LRRTM4: variants seen among roughly 807,000 people sequenced by gnomAD.
LRRTM4 encodes leucine rich repeat transmembrane neuronal 4.
A neutral mutation model predicts 47.6 loss-of-function variants in LRRTM4; 25 were observed. That is an observed-to-expected ratio of 0.53 (90% CI 0.38 to 0.73). The LOEUF (loss-of-function observed/expected upper bound fraction) is 0.73. Ranked by LOEUF, LRRTM4 falls within the 30% of genes least tolerant of loss-of-function variation. The probability of loss-of-function intolerance (pLI) is 0.00; values close to 1 mark genes in which losing one functional copy is unlikely to be tolerated. For synonymous variants in LRRTM4, 311 were observed against 269.5 expected (o/e 1.15, Z -1.51); for missense variants, 638 against 713.4 (o/e 0.89, Z 1.20).
chr2:77,029,658 G>T (rs1341279353), intron 3 of LRRTM4, among the ~76,000 whole-genome samples: 1 of 152,168 alleles, frequency 6.6e-6, no homozygotes, highest in East Asian at 1.9e-4. Context: ...AACTCTAAAA[G>T]AGATGATTTG....
chr2:77,213,990 T>C (rs1332630248), intron 3 of LRRTM4, among the ~76,000 whole-genome samples: 1 of 152,066 alleles, frequency 6.6e-6, no homozygotes. Context: ...CACTGTATCC[T>C]GAGCCCTAGA....
At chr2:77,059,686 C>G (rs1340510954) in intron 3 of LRRTM4, among the ~76,000 whole-genome samples, 1 of 152,150 alleles carries the variant, frequency 6.6e-6, no homozygotes, top group Non-Finnish European at 1.5e-5. Flanking sequence ...CATACAATGA[C>G]AGTACAATAG....
intron 3 of LRRTM4, among the ~76,000 whole-genome samples, chr2:77,054,528 T>A (rs756298784): frequency 2.6e-5 from 4 of 152,330 alleles, no homozygotes; most frequent in Non-Finnish European, 4.4e-5. Context: ...ACGGAAATAC[T>A]GTGCAGGGTA....
chr2:77,078,070 T>A (rs1388720238), intron 3 of LRRTM4, among the ~76,000 whole-genome samples: 3 of 152,326 alleles, frequency 2.0e-5, no homozygotes, highest in East Asian at 1.9e-4. Flanking sequence ...GTTGATCTAC[T>A]CTTTCTACTG....
chr2:77,030,297 G>T (rs960232039), intron 3 of LRRTM4, among the ~76,000 whole-genome samples: 1 of 152,142 alleles, frequency 6.6e-6, no homozygotes, highest in Admixed American at 6.5e-5. Flanking sequence ...AGCTGGGTGT[G>T]GTGGTATGTG....
chr2:77,082,169 T>TGTCC (rs1172428399), intron 3 of LRRTM4, among the ~76,000 whole-genome samples: 1 of 152,166 alleles, frequency 6.6e-6, no homozygotes, highest in Admixed American at 6.5e-5. Context: ...TCCTAATTTC[T>TGTCC]TAATATCTTT....
intron 3 of LRRTM4, among the ~76,000 whole-genome samples, chr2:76,944,624 G>T (rs1675262496): frequency 6.6e-6 from 1 of 152,036 alleles, no homozygotes; most frequent in African/African-American, 2.4e-5. Context: ...AAATTACTGG[G>T]GAGGGGCAGA....
chr2:77,341,784 T>A (rs2104276965), intron 3 of LRRTM4, among the ~76,000 whole-genome samples: 1 of 151,934 alleles, frequency 6.6e-6, no homozygotes, highest in South Asian at 2.1e-4. Flanking sequence ...TGGATGGGAG[T>A]TTCTCAATTT....
intron 3 of LRRTM4, among the ~76,000 whole-genome samples, chr2:77,074,133 T>G (rs1680255961): frequency 6.6e-6 from 1 of 152,194 alleles, no homozygotes; most frequent in Non-Finnish European, 1.5e-5. Flanking sequence ...TCTTAATGGA[T>G]ATTTTAACTG....
intron 3 of LRRTM4, among the ~76,000 whole-genome samples, chr2:77,407,983 A>G (rs910995661): frequency 7.2e-5 from 11 of 151,910 alleles, no homozygotes; most frequent in Non-Finnish European, 1.6e-4. Context: ...TCAAACCAAT[A>G]ACCTGTCTTC....
intron 3 of LRRTM4, among the ~76,000 whole-genome samples, chr2:77,049,136 A>ACATATATATATATATATG (rs1679338011): frequency 7.8e-6 from 1 of 127,428 alleles, no homozygotes; most frequent in African/African-American, 3.5e-5. Context: ...ATATATATAT[A>ACATATATATATATATATG]TATATATATA....
chr2:77,129,084 T>C (rs1339055428), intron 3 of LRRTM4, among the ~76,000 whole-genome samples: 1 of 152,230 alleles, frequency 6.6e-6, no homozygotes, highest in African/African-American at 2.4e-5. Context: ...GAATCTCCTT[T>C]GTCTTTTGGA....
intron 3 of LRRTM4, among the ~76,000 whole-genome samples, chr2:77,050,887 T>A (rs879897656): frequency 6.6e-6 from 1 of 152,216 alleles, no homozygotes; most frequent in Non-Finnish European, 1.5e-5. Flanking sequence ...TCAGTACTCT[T>A]ATTACAAATA....
chr2:76,854,003 T>C (rs1048177097), intron 3 of LRRTM4, among the ~76,000 whole-genome samples: 1 of 152,186 alleles, frequency 6.6e-6, no homozygotes, highest in Non-Finnish European at 1.5e-5. Context: ...TAAAAGGTTT[T>C]TAATACTTAA....
intron 3 of LRRTM4, among the ~76,000 whole-genome samples, chr2:77,098,319 A>G (rs2103904532): frequency 6.6e-6 from 1 of 152,172 alleles, no homozygotes; most frequent in Admixed American, 6.5e-5. Context: ...AAATAGTCCA[A>G]GGGAAGGTAA....
chr2:76,824,179 G>A (rs1280938200), intron 3 of LRRTM4, among the ~76,000 whole-genome samples: 2 of 151,518 alleles, frequency 1.3e-5, no homozygotes, highest in Non-Finnish European at 3.0e-5. Context: ...AGGTTCAATA[G>A]ACTTTTTTCA....
intron 3 of LRRTM4, among the ~76,000 whole-genome samples, chr2:76,978,508 G>C (rs1395617485): frequency 6.6e-6 from 1 of 151,974 alleles, no homozygotes; most frequent in Non-Finnish European, 1.5e-5. Flanking sequence ...TCTAGCTTAA[G>C]GCTATTGCAT....
At chr2:77,182,474 C>G (rs1364052739) in intron 3 of LRRTM4, among the ~76,000 whole-genome samples, 1 of 151,996 alleles carries the variant, frequency 6.6e-6, no homozygotes, top group East Asian at 1.9e-4. Flanking sequence ...ATAGGTGCAG[C>G]AAACCACCAC....
chr2:77,048,930 C>T (rs1418799014), intron 3 of LRRTM4, among the ~76,000 whole-genome samples: 1 of 151,354 alleles, frequency 6.6e-6, no homozygotes, highest in African/African-American at 2.4e-5. Flanking sequence ...TCCCCACTCT[C>T]TTATCCACCC....
Sources: allele counts gnomAD v4.1 joint callset (sites outside exome capture counted in the v4.1 genomes callset), GRCh38; gene constraint gnomAD v4.1.1; transcripts MANE v1.5; gene names NCBI Gene and HGNC (gene_info 2026-07-23, HGNC 2026-07-21).